KANTR: variants seen among roughly 807,000 people sequenced by gnomAD.
KANTR encodes the protein KANTR integral membrane protein.
At chrX:53,096,569 T>C (rs1285433981) in intron 1 of KANTR, among the ~76,000 whole-genome samples, 4 of 112,489 alleles carry the variant, frequency 3.6e-5, no homozygotes, top group African/African-American at 1.3e-4. Flanking sequence ...CTCACGCCTG[T>C]AATCCCAGCA....
chrX:53,128,102 T>C (rs1933312179), downstream of KANTR, among the ~76,000 whole-genome samples: 1 of 111,942 alleles, frequency 8.9e-6, no homozygotes, highest in Admixed American at 9.5e-5. Flanking sequence ...TGTTTCTGCC[T>C]GCCCATGACT....
chrX:53,094,951 T>C (rs1569231900), intron 1 of KANTR: 1 of 112,722 alleles, frequency 8.9e-6, no homozygotes, highest in Admixed American at 9.4e-5. Flanking sequence ...GTTACTGTTT[T>C]TCCTCTTTTT....
At chrX:53,138,020 T>C (rs1933450102) in intron 2 of KANTR, among the ~76,000 whole-genome samples, 1 of 110,961 alleles carries the variant, frequency 9.0e-6, no homozygotes, top group African/African-American at 3.3e-5. Context: ...TTGTTCTCTA[T>C]TTTATTTATT....
At chrX:53,144,811 T>C (rs1033847576), downstream of KANTR, among the ~76,000 whole-genome samples, 3 of 112,212 alleles carry the variant, frequency 2.7e-5, no homozygotes, top group Non-Finnish European at 5.6e-5. Context: ...CCGTTTTGCA[T>C]ATGATCAGCC....
chrX:53,110,307 G>T (rs1232149778), intron 2 of KANTR, among the ~76,000 whole-genome samples: 1 of 111,155 alleles, frequency 9.0e-6, no homozygotes, highest in Non-Finnish European at 1.9e-5. Context: ...TATTTATTAC[G>T]TTGAGGTACA....
At chrX:53,138,916 A>G (rs1933462047) in intron 2 of KANTR, among the ~76,000 whole-genome samples, 1 of 110,608 alleles carries the variant, frequency 9.0e-6, no homozygotes, top group East Asian at 2.8e-4. Context: ...TGACATGTAC[A>G]AAAATGGATT....
downstream of KANTR, among the ~76,000 whole-genome samples, chrX:53,144,997 C>T (rs1300315264): frequency 1.8e-5 from 2 of 111,110 alleles, no homozygotes; most frequent in African/African-American, 6.6e-5. Context: ...TCTATAAATT[C>T]TATAGATCTA....
chrX:53,113,631 G>A lies in KANTR; in HGVS notation c.-804-9838G>A, dbSNP rs1477443625. 1.2e-4 allele frequency among the ~76,000 whole-genome samples: 12 copies of A among 98,409 alleles called. No individual in the cohort carries two copies. The East Asian group carries it at 1.9e-3, about 16-fold the overall frequency. 85.5% of individuals were successfully genotyped at this position (98,409 alleles called of 115,157 possible). ...TGTCACCCACCCACTCCAGGCTGGA[G>A]TGCAGTGGCGCGATCTCGGCTCACT... On this transcript the variant is annotated intron_variant, in intron 2 of 2. Coordinates refer to ENST00000604062, the Ensembl canonical transcript of KANTR.
At position 53,114,695 on chromosome X, in the gene KANTR, C is replaced by T. The variant is rs782751155; in HGVS notation, c.-804-8774C>T. ...AAAGCACAGCTGGTTCCTGGATCTGCGGGAGCCAACTTCATGTCTGGGTCT... is the reference window on the plus strand; with the variant it reads ...AAAGCACAGCTGGTTCCTGGATCTGTGGGAGCCAACTTCATGTCTGGGTCT... On this transcript the variant is annotated intron_variant, in intron 2 of 2. Transcript: ENST00000604062. Among the ~76,000 whole-genome samples the T allele has an allele frequency of 3.6e-5, 4 of 110,324 alleles. No homozygotes were observed. The South Asian group carries it at 1.2e-3, about 33-fold the overall frequency.
At chrX:53,121,939 C>T (rs1933227379) in intron 2 of KANTR, among the ~76,000 whole-genome samples, 1 of 111,571 alleles carries the variant, frequency 9.0e-6, no homozygotes, top group South Asian at 3.8e-4. Context: ...CTTTGGAAGA[C>T]TCTAGCCCAC....
downstream of KANTR, among the ~76,000 whole-genome samples, chrX:53,131,301 G>A (rs782776715): frequency 2.7e-5 from 3 of 111,413 alleles, no homozygotes; most frequent in East Asian, 8.4e-4. Context: ...GGCGCGTGGT[G>A]GGGAGGCCAA....
At chrX:53,096,168 C>T (rs1242328339) in intron 1 of KANTR, among the ~76,000 whole-genome samples, 1 of 111,398 alleles carries the variant, frequency 9.0e-6, no homozygotes, top group South Asian at 3.8e-4. Context: ...TATTCTACAC[C>T]TTTTTCACAG....
intron 1 of KANTR, among the ~76,000 whole-genome samples, chrX:53,097,948 G>A (rs1219680929): frequency 9.5e-6 from 1 of 105,378 alleles, no homozygotes; most frequent in Non-Finnish European, 1.9e-5. Context: ...CTACTTGGGA[G>A]GCTGAGGCAG....
At chrX:53,130,113 C>T (rs914087535), downstream of KANTR, among the ~76,000 whole-genome samples, 1 of 111,383 alleles carries the variant, frequency 9.0e-6, no homozygotes, top group East Asian at 2.8e-4. Flanking sequence ...GTGATCCATA[C>T]ACCTTGGCCT....
intron 2 of KANTR, among the ~76,000 whole-genome samples, chrX:53,141,651 C>T (rs191868801): frequency 1.9e-5 from 2 of 105,878 alleles, no homozygotes; most frequent in African/African-American, 6.8e-5. Context: ...TCTCCAGTTG[C>T]TCCTTCTCCC....
intron 2 of KANTR, among the ~76,000 whole-genome samples, chrX:53,117,589 C>CTG (rs1227913049): frequency 2.9e-4 from 23 of 78,553 alleles, no homozygotes; most frequent in African/African-American, 1.1e-3. Context: ...TAGTATCATA[C>CTG]TGTGTGTGTG....
chrX:53,105,351 G>C lies in KANTR; in HGVS notation c.-805+5743G>C, dbSNP rs140344466. ...AGTATGAAAGTGGTGTCTCATTGTA[G>C]TTTTGATTTTCATTTCCCTAATAAC... is the stretch of plus-strand genomic sequence containing the variant. On this transcript the variant is annotated intron_variant, in intron 2 of 2. Transcript: ENST00000604062. Among the ~76,000 whole-genome samples, 415 of 111,844 alleles carry C rather than the reference G, an allele frequency of 3.7e-3. 6 individuals are homozygous for C. The highest frequency in any genetic ancestry group is 0.013 in the African/African-American group (402 of 30,834).
At chrX:53,140,888 G>A (rs782135086) in intron 2 of KANTR, among the ~76,000 whole-genome samples, 7 of 112,434 alleles carry the variant, frequency 6.2e-5, no homozygotes, top group Non-Finnish European at 9.4e-5. Flanking sequence ...AAGGCCAGGC[G>A]TGGTGGCTCA....
At chrX:53,143,034 G>T (rs1933525297), downstream of KANTR, 1 of 1,199,746 alleles carries the variant, frequency 8.3e-7, no homozygotes, top group East Asian at 3.0e-5. Context: ...GCACTGTGTT[G>T]GCGTACAGGT....
Sources: allele counts gnomAD v4.1 joint callset (sites outside exome capture counted in the v4.1 genomes callset), GRCh38; gene constraint gnomAD v4.1.1; transcripts MANE v1.5; gene names NCBI Gene and HGNC (gene_info 2026-07-23, HGNC 2026-07-21).